Variants in ATP6V1E2 observed in about 807,000 individuals in gnomAD.
ATP6V1E2 encodes ATPase H+ transporting V1 subunit E2, also known as V-type proton ATPase subunit E 2.
For synonymous variants in ATP6V1E2, 121 were observed against 104.2 expected, an observed-to-expected ratio of 1.16 and a Z score of -0.98; for missense variants, 308 against 273.3, an observed-to-expected ratio of 1.13 and a Z score of -0.90.
At chr2:46,540,451 GAAAGAA>G (rs948099882) in intron 2 of ATP6V1E2, among the ~76,000 whole-genome samples, 1 of 66,536 alleles carries the variant, frequency 1.5e-5, no homozygotes, top group Non-Finnish European at 3.1e-5. Context: ...AAAAAAAAAA[GAAAGAA>G]AAAGAAAAAG....
At chr2:46,514,348 C>T (rs1378818923) in intron 4 of ATP6V1E2, among the ~76,000 whole-genome samples, 1 of 151,902 alleles carries the variant, frequency 6.6e-6, no homozygotes, top group Non-Finnish European at 1.5e-5. Flanking sequence ...AACCCTACAC[C>T]TACTGAATCA....
chr2:46,538,847 T>C (rs964808508), intron 2 of ATP6V1E2, among the ~76,000 whole-genome samples: 1 of 152,176 alleles, frequency 6.6e-6, no homozygotes, highest in Non-Finnish European at 1.5e-5. Flanking sequence ...CTCATGCCTA[T>C]AATCCCAGCT....
At chr2:46,538,036 G>A (rs1667537495) in intron 2 of ATP6V1E2, among the ~76,000 whole-genome samples, 4 of 152,038 alleles carry the variant, frequency 2.6e-5, no homozygotes. Flanking sequence ...TAAAAACCTT[G>A]TTCTCTCTCG....
At chr2:46,517,164 G>T (rs1288396560) in intron 4 of ATP6V1E2, among the ~76,000 whole-genome samples, 1 of 152,110 alleles carries the variant, frequency 6.6e-6, no homozygotes, top group Admixed American at 6.6e-5. Flanking sequence ...AGAATGAAGA[G>T]CCCAGAAATA....
intron 4 of ATP6V1E2, among the ~76,000 whole-genome samples, chr2:46,528,235 G>T (rs183613755): frequency 7.5e-4 from 114 of 152,306 alleles, no homozygotes; most frequent in African/African-American, 2.2e-3. Flanking sequence ...ACTGCAATTT[G>T]CAGGACAAAA....
chr2:46,542,364 G>A lies in ATP6V1E2; in HGVS notation c.-521C>T, dbSNP rs1362533735. 1 of 151,700 alleles carries A rather than the reference G, an allele frequency of 6.6e-6. No individual in the cohort carries two copies. The highest frequency in any genetic ancestry group is 1.5e-5 in the Non-Finnish European group (1 of 67,922). The allele number at this position is 151,700 out of a possible 1,614,324, so 9.4% of individuals were successfully genotyped here. A position where few individuals can be genotyped will look rare whatever the true frequency, so the allele number is the denominator to read the frequency against. On this transcript the variant is annotated 5_prime_UTR_variant, in exon 1 of 5. Transcript: ENST00000522587. ...CGTGGAGGTCGTCGTGGTTCCCCGA[G>A]AGGCCTCCACGTCTTCTCCCAGCAT...
In ATP6V1E2 at chr2:46,518,490, A is replaced by AACACAC. The variant is rs10546147; in HGVS notation, c.-101-5684_-101-5679dup. ...AAACATTTGTTACACACACACACAC[A>AACACAC]ACACACACACACACACACACACACA... On this transcript the variant is annotated intron_variant, in intron 4 of 4. Transcript: ENST00000522587. 7.4e-3 allele frequency among the ~76,000 whole-genome samples: 1,046 copies of AACACAC among 140,966 alleles called. 13 individuals are homozygous for AACACAC. Among genetic ancestry groups the AACACAC allele is most frequent in the East Asian group, 0.031 (148 of 4,824 alleles). 92.5% of individuals were successfully genotyped at this position (140,966 alleles called of 152,430 possible). A position where few individuals can be genotyped will look rare whatever the true frequency, so the allele number is the denominator to read the frequency against.
In ATP6V1E2 at chr2:46,512,694, G is replaced by A. The variant is rs1039444387; in HGVS notation, c.18C>T (p.Val6=). The A allele has an allele frequency of 2.8e-5, 45 of 1,612,574 alleles. No homozygotes were observed. Among genetic ancestry groups the A allele is most frequent in the Non-Finnish European group, 3.4e-5 (40 of 1,179,658 alleles). ...TGTGCTTAATCTGCTTTTTCACATC[G>A]ACATCACTCAGGGCCATGGCTGCTC... MALSD[V]DVKKQIKHMM... is the part of the protein sequence containing the mutation. The change falls in exon 5 of 5, where the codon GTC becomes GTT. Residue 6 remains valine (V), a synonymous_variant. Coordinates refer to ENST00000522587, the MANE Select transcript of ATP6V1E2 (RefSeq NM_001318063.2).
chr2:46,521,939 C>A (rs1475615294), intron 4 of ATP6V1E2, among the ~76,000 whole-genome samples: 1 of 108,646 alleles, frequency 9.2e-6, no homozygotes, highest in Non-Finnish European at 2.0e-5. Context: ...ATCCACCCGC[C>A]TCAGCCTCCC....
At position 46,512,189 on chromosome 2, in the gene ATP6V1E2, C is replaced by T; in HGVS notation, c.523G>A (p.Val175Met). ...ACCTCCACACCTCCAGCTGCATTCA[C>T]AGCCAGGTATGCCTCTTTATCAATC... Reference protein sequence around the residue: ...VQIDKEAYLAVNAAGGVEVYS... With the variant: ...VQIDKEAYLAMNAAGGVEVYS... The change falls in exon 5 of 5, where the codon GTG (valine) becomes ATG (methionine). Residue 175 changes from valine to methionine, a missense_variant. By Grantham distance (21) the Val-to-Met change is conservative (BLOSUM62 1). Transcript: ENST00000522587. 1 of 1,614,218 alleles carries T rather than the reference C, an allele frequency of 6.2e-7. No individual in the cohort carries two copies. The highest frequency in any genetic ancestry group is 8.5e-7 in the Non-Finnish European group (1 of 1,180,034).
intron 4 of ATP6V1E2, chr2:46,519,355 G>A (rs572163136): frequency 6.6e-6 from 1 of 152,308 alleles, no homozygotes; most frequent in South Asian, 2.1e-4. Flanking sequence ...CTCTATGTGA[G>A]TTGCACGTGA....
In ATP6V1E2 at chr2:46,542,311, G is replaced by A. The variant is rs929716837; in HGVS notation, c.-468C>T. 2.0e-5 allele frequency: 3 copies of A among 151,760 alleles called. No homozygotes were observed. The highest frequency in any genetic ancestry group is 2.9e-5 in the Non-Finnish European group (2 of 67,948). 9.4% of individuals were successfully genotyped at this position (151,760 alleles called of 1,614,324 possible). ...TTCCGGGTGGAGGTGAAATATGCATGTATAATTTGGCATGACTATTGCGTC... is the reference window on the plus strand; with the variant it reads ...TTCCGGGTGGAGGTGAAATATGCATATATAATTTGGCATGACTATTGCGTC... On this transcript the variant is annotated 5_prime_UTR_variant, in exon 1 of 5. Transcript: ENST00000522587.
chr2:46,537,611 T>C (rs1397972600), intron 2 of ATP6V1E2: 2 of 151,820 alleles, frequency 1.3e-5, no homozygotes, highest in African/African-American at 2.4e-5. Context: ...AAAAGAGTTC[T>C]GATCAATTCA....
chr2:46,522,180 C>T (rs561277545), intron 4 of ATP6V1E2, among the ~76,000 whole-genome samples: 10 of 150,472 alleles, frequency 6.6e-5, no homozygotes, highest in African/African-American at 2.0e-4. Context: ...GTCCTAGCTA[C>T]GTGGGAGGCT....
At chr2:46,513,663 A>G (rs550263462) in intron 4 of ATP6V1E2, among the ~76,000 whole-genome samples, 1 of 152,136 alleles carries the variant, frequency 6.6e-6, no homozygotes, top group East Asian at 1.9e-4. Flanking sequence ...GTCTCTACTA[A>G]AATACAAAAA....
intron 4 of ATP6V1E2, chr2:46,519,782 C>A (rs1231626125): frequency 6.6e-6 from 1 of 152,240 alleles, no homozygotes; most frequent in Non-Finnish European, 1.5e-5. Flanking sequence ...ACCACTACTA[C>A]TATTATTGTC....
rs1687514325 is a variant in ATP6V1E2 at position 46,512,538 on chromosome 2, C to T, written c.174G>A (p.Glu58=). The stretch of plus-strand genomic sequence containing the variant: ...GCTGCTCTATCTGCTTCTCCTTTTT[C>T]TCATAATACTCCATAATCTTCAGTC... The part of the protein sequence containing the change: ...TQRLKIMEYY[E]KKEKQIEQQK... The change falls in exon 5 of 5, where the codon GAG becomes GAA. Residue 58 remains glutamate (E), a synonymous_variant. Transcript: ENST00000522587. The T allele has an allele frequency of 6.2e-7, 1 of 1,614,058 alleles. No homozygotes were observed. Among genetic ancestry groups the T allele is most frequent in the African/African-American group, 1.3e-5 (1 of 74,910 alleles).
chr2:46,540,146 G>GCCA, intron 2 of ATP6V1E2, among the ~76,000 whole-genome samples: 1 of 152,264 alleles, frequency 6.6e-6, no homozygotes, highest in Admixed American at 6.5e-5. Flanking sequence ...ACTGTTCTCA[G>GCCA]CCAGATGCAG....
intron 2 of ATP6V1E2, among the ~76,000 whole-genome samples, chr2:46,540,254 C>T (rs1667662159): frequency 6.6e-6 from 1 of 151,814 alleles, no homozygotes; most frequent in Non-Finnish European, 1.5e-5. Flanking sequence ...AAACCCCGCT[C>T]TGCAAAAAAA....
Sources: gnomAD v4.1 joint callset for allele counts (sites outside exome capture counted in the v4.1 genomes callset) on GRCh38, gnomAD v4.1.1 for gene constraint, MANE v1.5 for transcripts, NCBI Gene and HGNC (gene_info 2026-07-23, HGNC 2026-07-21) for gene names.